The following POMT1 variants were observed in gnomAD, a reference collection of about 807,000 sequenced individuals.
The protein encoded by POMT1 is protein O-mannosyl-transferase 1.
A neutral mutation model predicts 101.6 loss-of-function variants in POMT1; 85 were observed. The observed-to-expected ratio is 0.84, with a 90% confidence interval of 0.70 to 1.00. POMT1 has a LOEUF of 1.00. POMT1 is among the 50% of genes least tolerant of loss of function. POMT1 has a pLI of 0.00. For missense variants in POMT1, 857 were observed against 930.4 expected (o/e 0.92, Z 1.03); for synonymous variants, 371 against 383.0 (o/e 0.97, Z 0.37).
intron 10 of POMT1, chr9:131,511,696 C>T: frequency 1.7e-6 from 1 of 602,776 alleles, no homozygotes; most frequent in Non-Finnish European, 2.9e-6. Context: ...TGTGGCTGAC[C>T]TCAGCACTGC....
intron 13 of POMT1, 94 bp downstream of exon 13, chr9:131,515,616 G>C: frequency 8.7e-7 from 1 of 1,155,044 alleles, no homozygotes; most frequent in Non-Finnish European, 1.3e-6. Context: ...CCCTAACACA[G>C]AGCACTTCCT....
chr9:131,503,003 G>A lies in POMT1; in HGVS notation c.-101G>A, dbSNP rs2131532124. The A allele has an allele frequency of 6.6e-6, 1 of 152,390 alleles. No individual in the cohort carries two copies. The highest frequency in any genetic ancestry group is 2.1e-4 in the South Asian group (1 of 4,836). The allele number at this position is 152,390 out of a possible 1,614,324, so 9.4% of individuals were successfully genotyped here. The stretch of plus-strand genomic sequence containing the variant: ...CCGAGCGGCCTCACCCCCAACCGTC[G>A]GCCCAGTCGGACGGTTCCGAGGCGT... On this transcript the variant is annotated 5_prime_UTR_variant, in exon 1 of 20. Coordinates refer to ENST00000402686, the MANE Select transcript of POMT1 (RefSeq NM_001077365.2). This position sits in a 1 kb window ranked among gnomAD's most constrained non-coding sequence, Gnocchi z 4.4.
At position 131,523,067 on chromosome 9, in the gene POMT1, CT is replaced by C. The variant is rs1489831148; in HGVS notation, c.2140del (p.Trp714GlyfsTer8). The C allele has an allele frequency of 6.2e-7, 1 of 1,611,634 alleles. No individual in the cohort carries two copies. The highest frequency in any genetic ancestry group is 2.2e-5 in the East Asian group (1 of 44,882). On this transcript the variant is annotated frameshift_variant, in exon 20 of 20. Transcript: ENST00000402686. LOFTEE classifies it high-confidence loss of function. Reference sequence around the variant, plus strand: ...CGCCACATGAACTCAAGGCCCTTCGCTGGAAAGACAGCTGGGACATCTTGAT... The same window carrying C: ...CGCCACATGAACTCAAGGCCCTTCGCGGAAAGACAGCTGGGACATCTTGAT... The part of the protein sequence containing the change: ...LSPHELKALR[W>X]KDSWDILIRK...
intron 12 of POMT1, 81 bp from the exon 13 acceptor site, chr9:131,515,345 C>A: frequency 2.1e-6 from 3 of 1,447,804 alleles, no homozygotes; most frequent in Non-Finnish European, 2.9e-6. Flanking sequence ...GAAAAGCAAC[C>A]TTTTCCTGCC....
Position 131,509,978 on chromosome 9 carries a change from A to T in POMT1, c.681A>T (p.Gly227=). The part of the protein sequence containing the change: ...VAAVHAWHLL[G]DQTLSNVCVF... ...CTGTCCATGCCTGGCACCTGCTTGG[A>T]GACCAGACTTTGTCCAATGTAGGTG... Residue 227 remains glycine, a synonymous_variant, in exon 8 of 20, where the codon GGA becomes GGT. Transcript: ENST00000402686. 6.2e-7 allele frequency: 1 copy of T among 1,614,198 alleles called. No homozygotes were observed. Among genetic ancestry groups the T allele is most frequent in the South Asian group, 1.1e-5 (1 of 91,088 alleles).
intron 18 of POMT1, 50 bp downstream of exon 18, chr9:131,521,522 G>T: frequency 6.3e-7 from 1 of 1,591,454 alleles, no homozygotes; most frequent in Non-Finnish European, 8.6e-7. Context: ...TAGACATGGG[G>T]TCTTGCTGTG....
Position 131,520,095 on chromosome 9 carries a change from C to T in POMT1, c.1600C>T (p.Leu534=). 1.2e-6 allele frequency: 2 copies of T among 1,613,762 alleles called. No individual in the cohort carries two copies. The highest frequency in any genetic ancestry group is 1.7e-6 in the Non-Finnish European group (2 of 1,180,006). Residue 534 remains leucine, a synonymous_variant, in exon 17 of 20, where the codon CTG becomes TTG. Transcript: ENST00000402686. The part of the protein sequence containing the change: ...FSELQWRMLA[L]RSDDSEHKYS... Reference sequence around the variant, plus strand: ...TTTGTTCCAGTGGAGGATGCTGGCGCTGAGAAGTGATGACTCGGAACACAA... The same window carrying T: ...TTTGTTCCAGTGGAGGATGCTGGCGTTGAGAAGTGATGACTCGGAACACAA...
Position 131,508,891 on chromosome 9 carries a change from G to A in POMT1, c.428-20G>A, listed in dbSNP as rs533669785. 10 of 1,545,826 alleles carry A rather than the reference G, an allele frequency of 6.5e-6. No individual in the cohort carries two copies. Among genetic ancestry groups the A allele is most frequent in the African/African-American group, 4.1e-5 (3 of 73,632 alleles). ...TCCCTTGCTACCTTAAAATTGACATGTGTTTCCTCTTTGAAACAGAGAATG... is the reference window on the plus strand; with the variant it reads ...TCCCTTGCTACCTTAAAATTGACATATGTTTCCTCTTTGAAACAGAGAATG... On this transcript the variant is annotated intron_variant, in intron 5 of 19. Coordinates refer to ENST00000402686, the MANE Select transcript of POMT1 (RefSeq NM_001077365.2).
chr9:131,518,655 CT>C, intron 14 of POMT1, 118 bp downstream of exon 14: 1 of 1,383,764 alleles, frequency 7.2e-7, no homozygotes, highest in Non-Finnish European at 1.0e-6. Context: ...GTCATCATGG[CT>C]TCCTCTTACA....
chr9:131,507,417 C>T lies in POMT1; in HGVS notation c.330C>T (p.Leu110=), dbSNP rs138064523. 9.9e-6 allele frequency: 16 copies of T among 1,614,082 alleles called. No homozygotes were observed. Among genetic ancestry groups the T allele is most frequent in the Middle Eastern group, 1.6e-4 (1 of 6,084 alleles). Residue 110 remains leucine, a synonymous_variant, in exon 5 of 20, where the codon CTC becomes CTT. Coordinates refer to ENST00000402686, the MANE Select transcript of POMT1 (RefSeq NM_001077365.2). ...GGTCCCTGCGCCTGCTGCCAGCACT[C>T]GCGGGGGCCTTGTCGGTCCCCATGG... ...PVWSLRLLPA[L]AGALSVPMAY...
At chr9:131,513,129 G>A (rs1319793323) in intron 11 of POMT1, 110 bp from the exon 12 acceptor site, 2 of 867,094 alleles carry the variant, frequency 2.3e-6, no homozygotes, top group Non-Finnish European at 3.8e-6. Context: ...GGCACACATG[G>A]GTTGGGAGGC....
chr9:131,504,384 C>T (rs1026587725), intron 2 of POMT1, 44 bp downstream of exon 2: 1 of 1,614,002 alleles, frequency 6.2e-7, no homozygotes, highest in East Asian at 2.2e-5. Flanking sequence ...TAGAATTGTA[C>T]TTTGTGACAG....
At chr9:131,512,375 G>A (rs544657192) in intron 11 of POMT1, among the ~76,000 whole-genome samples, 13 of 152,216 alleles carry the variant, frequency 8.5e-5, no homozygotes, top group African/African-American at 2.2e-4. Context: ...TCAATGCCCC[G>A]ACCTGTGTCC....
rs587777819 is a variant in POMT1 at position 131,523,037 on chromosome 9, ACT to A, written c.2113_2114del (p.Ser705AlafsTer3). The stretch of plus-strand genomic sequence containing the variant: ...GCCCACTCACCTACGGGGACAAGTC[ACT>A]CTCGCCACATGAACTCAAGGCCCTT... ...LRPLTYGDKSLSPHELKALRW... is the reference protein window; with the variant it reads ...LRPLTYGDKSXSPHELKALRW... On this transcript the variant is annotated frameshift_variant, in exon 20 of 20. Coordinates refer to ENST00000402686, the MANE Select transcript of POMT1 (RefSeq NM_001077365.2). LOFTEE classifies it high-confidence loss of function. 2 of 1,610,840 alleles carry A rather than the reference ACT, an allele frequency of 1.2e-6. No individual in the cohort carries two copies. Among genetic ancestry groups the A allele is most frequent in the South Asian group, 1.1e-5 (1 of 90,808 alleles).
chr9:131,520,958 T>G lies in POMT1; in HGVS notation c.1699-388T>G, dbSNP rs1281136875. The G allele has an allele frequency of 2.6e-5, 9 of 344,208 alleles. No individual in the cohort carries two copies. The East Asian group carries it at 6.8e-4, about 26-fold the overall frequency. The allele number at this position is 344,208 out of a possible 1,614,324, so 21.3% of individuals were successfully genotyped here. A position where few individuals can be genotyped will look rare whatever the true frequency, so the allele number is the denominator to read the frequency against. On this transcript the variant is annotated intron_variant, in intron 17 of 19. Transcript: ENST00000402686. ...CCCAGGTTCAAGCAGTTCTCCTGCC[T>G]CAGCCTCCAAGTAGCTGGTATTACA...
Position 131,522,249 on chromosome 9 carries a change from C to T in POMT1, c.2003+25C>T, listed in dbSNP as rs774986493. On this transcript the variant is annotated intron_variant, in intron 19 of 19. Coordinates refer to ENST00000402686, the MANE Select transcript of POMT1 (RefSeq NM_001077365.2). The surrounding 1 kb of genome is among the most constrained non-coding windows in gnomAD (Gnocchi z 5.5). Reference sequence around the variant, plus strand: ...GGTACGGGGGCTGCGGAGACAGTGGCTGGACCGGGCAGCAGCCCTCTGCTG... The same window carrying T: ...GGTACGGGGGCTGCGGAGACAGTGGTTGGACCGGGCAGCAGCCCTCTGCTG... 1 of 1,611,214 alleles carries T rather than the reference C, an allele frequency of 6.2e-7. No homozygotes were observed. Among genetic ancestry groups the T allele is most frequent in the Non-Finnish European group, 8.5e-7 (1 of 1,179,986 alleles).
At position 131,518,525 on chromosome 9, in the gene POMT1, C is replaced by A. The variant is rs144385159; in HGVS notation, c.1353C>A (p.Ser451=). The change falls in exon 14 of 20, where the codon TCC becomes TCA. Residue 451 remains serine, a synonymous_variant. Coordinates refer to ENST00000402686, the MANE Select transcript of POMT1 (RefSeq NM_001077365.2). ...TCCGCTTTGTGCACGTGAACACTTCCGCTGTCTTAAAGGTAAGGACACTGT... is the reference window on the plus strand; with the variant it reads ...TCCGCTTTGTGCACGTGAACACTTCAGCTGTCTTAAAGGTAAGGACACTGT... The part of the protein sequence containing the change: ...SEVRFVHVNT[S]AVLKLSGAHL... 8 of 1,613,392 alleles carry A rather than the reference C, an allele frequency of 5.0e-6. No homozygotes were observed. The highest frequency in any genetic ancestry group is 3.3e-5 in the South Asian group (3 of 91,078).
At chr9:131,514,623 C>T (rs540665206) in intron 12 of POMT1, among the ~76,000 whole-genome samples, 65 of 152,302 alleles carry the variant, frequency 4.3e-4, no homozygotes, top group Admixed American at 7.8e-4. Context: ...GTGCATGGTG[C>T]GGTACCACAT....
In POMT1 at chr9:131,508,961, A is replaced by G; in HGVS notation, c.478A>G (p.Ile160Val). The part of the protein sequence containing the change: ...SRLMLLESVL[I>V]FFNLLAVLSY... ...GCTAATGCTTTTGGAATCAGTGTTAATATTTTTCAATCTATTGGCCGTGTT... is the reference window on the plus strand; with the variant it reads ...GCTAATGCTTTTGGAATCAGTGTTAGTATTTTTCAATCTATTGGCCGTGTT... Residue 160 changes from isoleucine to valine, a missense_variant, in exon 6 of 20, where the codon ATA becomes GTA. Transcript: ENST00000402686. 1 of 1,614,090 alleles carries G rather than the reference A, an allele frequency of 6.2e-7. No individual in the cohort carries two copies.
Sources: allele counts gnomAD v4.1 joint callset (sites outside exome capture counted in the v4.1 genomes callset), GRCh38; gene constraint gnomAD v4.1.1; non-coding constraint Gnocchi (gnomAD v3.1); transcripts MANE v1.5; gene names NCBI Gene and HGNC (gene_info 2026-07-23, HGNC 2026-07-21).